Variants in TPST1 observed in about 807,000 individuals in gnomAD.
The protein encoded by TPST1 is tyrosylprotein sulfotransferase 1.
Under a neutral mutation model 34.8 loss-of-function variants are expected in TPST1, and 20 were observed. The ratio of observed to expected loss-of-function variants is 0.57; its 90% CI spans 0.40 to 0.84. The LOEUF (loss-of-function observed/expected upper bound fraction) is 0.84, where lower values mean the gene tolerates loss of function less well. Among genes scored for constraint, TPST1 ranks in the 40% least tolerant of loss-of-function variants. The probability of loss-of-function intolerance (pLI) is 0.00; values close to 1 mark genes in which losing one functional copy is unlikely to be tolerated. For synonymous variants in TPST1, 152 were observed against 159.4 expected, an observed-to-expected ratio of 0.95 and a Z score of 0.35; for missense variants, 353 against 455.5, an observed-to-expected ratio of 0.78 and a Z score of 2.05.
At chr7:66,318,226 T>G (rs1333377826) in intron 3 of TPST1, among the ~76,000 whole-genome samples, 1 of 152,188 alleles carries the variant, frequency 6.6e-6, no homozygotes, top group Non-Finnish European at 1.5e-5. Flanking sequence ...TTAATATTTT[T>G]AAATCCCCAC....
Position 66,264,388 on chromosome 7 carries a change from C to T in TPST1, c.846-22123C>T, listed in dbSNP as rs74882148. 7.7e-3 allele frequency among the ~76,000 whole-genome samples: 1,176 copies of T among 152,278 alleles called. 18 individuals carry two copies. The highest frequency in any genetic ancestry group is 0.026 in the African/African-American group (1,096 of 41,544). ...ATGCCCAGGGAAGACTTCTACCTCT[C>T]GCTGATCTTGAGGCTCTGTGAAAGC... On this transcript the variant is annotated intron_variant, in intron 2 of 5. Coordinates refer to ENST00000304842, the MANE Select transcript of TPST1 (RefSeq NM_003596.4).
intron 2 of TPST1, among the ~76,000 whole-genome samples, chr7:66,242,748 A>G (rs1790062809): frequency 6.6e-6 from 1 of 152,214 alleles, no homozygotes; most frequent in African/African-American, 2.4e-5. Flanking sequence ...TTCAGTAGGG[A>G]TTAAAGAGAT....
At chr7:66,296,290 CAG>C (rs1223908309) in intron 3 of TPST1, among the ~76,000 whole-genome samples, 2 of 114,234 alleles carry the variant, frequency 1.8e-5, no homozygotes, top group Non-Finnish European at 3.3e-5. Context: ...TTTAAAGTGA[CAG>C]ATAATTTTGA....
chr7:66,304,860 CA>C (rs1292112410), intron 3 of TPST1, among the ~76,000 whole-genome samples: 1 of 151,772 alleles, frequency 6.6e-6, no homozygotes, highest in Non-Finnish European at 1.5e-5. Context: ...TTCTGTCACC[CA>C]GGCTGCAGTG....
chr7:66,247,926 A>G (rs973412096), intron 2 of TPST1, among the ~76,000 whole-genome samples: 1 of 152,144 alleles, frequency 6.6e-6, no homozygotes, highest in Non-Finnish European at 1.5e-5. Context: ...TTGACCATAT[A>G]ATGGAAGTCA....
In TPST1 at chr7:66,332,711, C is replaced by T. The variant is rs1296113313; in HGVS notation, c.1045-19794C>T. 6.6e-6 allele frequency among the ~76,000 whole-genome samples: 1 copy of T among 152,062 alleles called. No individual in the cohort carries two copies. Among genetic ancestry groups the T allele is most frequent in the Non-Finnish European group, 1.5e-5 (1 of 68,032 alleles). ...TTACATCTGTACTGAACGTGACGGA[C>T]TTTGTCATTATTTCCTAAAAAATAC... is the stretch of plus-strand genomic sequence containing the variant. On this transcript the variant is annotated intron_variant, in intron 3 of 5. Transcript: ENST00000304842. This position sits in a 1 kb window ranked among gnomAD's most constrained non-coding sequence, Gnocchi z 4.5.
chr7:66,312,032 C>T (rs114416093), intron 3 of TPST1, among the ~76,000 whole-genome samples: 2,033 of 152,328 alleles, frequency 0.013, 55 homozygotes, highest in African/African-American at 0.046. Context: ...TTTTCCTATA[C>T]TTGTACTTAC....
chr7:66,348,635 G>A (rs1792404170), intron 3 of TPST1, among the ~76,000 whole-genome samples: 1 of 152,208 alleles, frequency 6.6e-6, no homozygotes, highest in Non-Finnish European at 1.5e-5. Flanking sequence ...TTTAGTGCCT[G>A]AAAATATTCA....
chr7:66,239,639 G>A (rs1789984641), intron 1 of TPST1, among the ~76,000 whole-genome samples: 2 of 152,192 alleles, frequency 1.3e-5, no homozygotes, highest in Admixed American at 1.3e-4. Flanking sequence ...AAGCAAGTCT[G>A]AATAGCAGAG....
chr7:66,277,257 C>G (rs1790838322), intron 2 of TPST1, among the ~76,000 whole-genome samples: 1 of 152,148 alleles, frequency 6.6e-6, no homozygotes, highest in East Asian at 1.9e-4. Context: ...CCCTTATAGT[C>G]ACTTTTTGGT....
intron 1 of TPST1, among the ~76,000 whole-genome samples, chr7:66,211,222 C>T (rs912125824): frequency 2.0e-5 from 3 of 152,056 alleles, no homozygotes; most frequent in Non-Finnish European, 4.4e-5. Flanking sequence ...GCAACCTCCG[C>T]CTCCCAGGTT....
chr7:66,266,765 A>C (rs77318334), intron 2 of TPST1, among the ~76,000 whole-genome samples: 2,229 of 152,350 alleles, frequency 0.015, 61 homozygotes, highest in East Asian at 0.093. Context: ...AAGTGTACAC[A>C]GCCAGCTGCA....
At chr7:66,271,097 C>T (rs1790694913) in intron 2 of TPST1, among the ~76,000 whole-genome samples, 3 of 152,070 alleles carry the variant, frequency 2.0e-5, no homozygotes. Flanking sequence ...TTTTCATCTT[C>T]CCAAGAGACC....
intron 2 of TPST1, among the ~76,000 whole-genome samples, chr7:66,273,764 C>T (rs1029757686): frequency 5.9e-5 from 9 of 151,374 alleles, no homozygotes; most frequent in African/African-American, 2.2e-4. Context: ...ATACAACAAC[C>T]AACTCAAAAT....
At chr7:66,325,985 G>C (rs1791859485) in intron 3 of TPST1, among the ~76,000 whole-genome samples, 1 of 152,116 alleles carries the variant, frequency 6.6e-6, no homozygotes, top group African/African-American at 2.4e-5. Context: ...CGCAAGAATT[G>C]AATAGAATGA....
At chr7:66,322,513 T>C (rs1261831971) in intron 3 of TPST1, among the ~76,000 whole-genome samples, 1 of 152,234 alleles carries the variant, frequency 6.6e-6, no homozygotes, top group Non-Finnish European at 1.5e-5. Context: ...CTGGCTTGTT[T>C]GAGTTAGCAT....
intron 1 of TPST1, among the ~76,000 whole-genome samples, chr7:66,214,060 TA>T (rs1250148709): frequency 6.6e-6 from 1 of 152,204 alleles, no homozygotes; most frequent in East Asian, 1.9e-4. Flanking sequence ...ATTTAAAGTG[TA>T]AAATTCATTT....
intron 3 of TPST1, among the ~76,000 whole-genome samples, chr7:66,293,374 A>G (rs745564558): frequency 4.0e-5 from 6 of 151,500 alleles, no homozygotes; most frequent in Non-Finnish European, 7.4e-5. Context: ...ATGGTGGCAC[A>G]TGACTCTAGT....
At chr7:66,313,755 G>T (rs1191290647) in intron 3 of TPST1, among the ~76,000 whole-genome samples, 1 of 152,018 alleles carries the variant, frequency 6.6e-6, no homozygotes, top group East Asian at 1.9e-4. Flanking sequence ...GAAATCCTGT[G>T]TATTCTTTCC....
Sources: gnomAD v4.1 joint callset for allele counts (sites outside exome capture counted in the v4.1 genomes callset) on GRCh38, gnomAD v4.1.1 for gene constraint, Gnocchi (gnomAD v3.1) non-coding constraint, MANE v1.5 for transcripts, NCBI Gene and HGNC (gene_info 2026-07-23, HGNC 2026-07-21) for gene names.